The following DPEP1 variants were observed in gnomAD, a reference collection of about 807,000 sequenced individuals.
The protein encoded by DPEP1 is dipeptidase 1.
Under a neutral mutation model 42.3 loss-of-function variants are expected in DPEP1, and 50 were observed. That is an observed-to-expected ratio of 1.18 (90% CI 0.94 to 1.50). The LOEUF (loss-of-function observed/expected upper bound fraction) is 1.50. DPEP1 is among the 40% of genes most tolerant of loss of function. The pLI is 0.00. For synonymous variants in DPEP1, 297 were observed against 234.0 expected (o/e 1.27, Z -2.46); for missense variants, 663 against 553.0 (o/e 1.20, Z -1.99).
rs1269336768 is a variant in DPEP1, at chr16:89,638,153, C to G, written c.1167C>G (p.Ser389Arg). Residue 389 changes from serine to arginine, a missense_variant, in exon 11 of 11, where the codon AGC becomes AGG. By Grantham distance (110) the Ser-to-Arg change is moderately radical. Coordinates refer to ENST00000690203, the MANE Select transcript of DPEP1 (RefSeq NM_001389466.1). ...ACGGCTACTCCTCTGGGGCTTCCAG[C>G]CTCCATCGCCACTGGGGGCTCCTGC... ...THYGYSSGAS[S>R]LHRHWGLLLA... is the part of the protein sequence containing the mutation. The G allele has an allele frequency of 6.2e-7, 1 of 1,609,978 alleles. No homozygotes were observed. Among genetic ancestry groups the G allele is most frequent in the Non-Finnish European group, 8.5e-7 (1 of 1,178,186 alleles).
Position 89,638,393 on chromosome 16 carries a change from C to T in DPEP1, c.*171C>T, listed in dbSNP as rs2151505523. The T allele has an allele frequency of 1.4e-6, 2 of 1,388,860 alleles. No homozygotes were observed. The highest frequency in any genetic ancestry group is 1.8e-5 in the South Asian group (1 of 55,750). The allele number at this position is 1,388,860 out of a possible 1,614,324, so 86.0% of individuals were successfully genotyped here. A position where few individuals can be genotyped will look rare whatever the true frequency, so the allele number is the denominator to read the frequency against. On this transcript the variant is annotated 3_prime_UTR_variant, in exon 11 of 11. Coordinates refer to ENST00000690203, the MANE Select transcript of DPEP1 (RefSeq NM_001389466.1). ...GGATGCCTGGGGACAGTTCAGGACA[C>T]ACACACAGTAGGCCCGCAATAAAAG...
Position 89,636,629 on chromosome 16 carries a change from T to A in DPEP1, c.467T>A (p.Leu156His). 6.2e-7 allele frequency: 1 copy of A among 1,612,632 alleles called. No individual in the cohort carries two copies. The highest frequency in any genetic ancestry group is 1.1e-5 in the South Asian group (1 of 91,084). Residue 156 changes from leucine to histidine, a missense_variant, in exon 5 of 11, where the codon CTC becomes CAC. Leu to His is a moderately conservative substitution (Grantham distance 99). Coordinates refer to ENST00000690203, the MANE Select transcript of DPEP1 (RefSeq NM_001389466.1). ...AGCAGTTTGGGCGTCCTGCGGGCAC[T>A]CTATCAGCTGGGCATGCGGTACCTG... Reference protein sequence around the residue: ...IDSSLGVLRALYQLGMRYLTL... With the variant: ...IDSSLGVLRAHYQLGMRYLTL...
chr16:89,618,430 C>G (rs1299491643), intron 1 of DPEP1, among the ~76,000 whole-genome samples: 1 of 152,146 alleles, frequency 6.6e-6, no homozygotes, highest in Non-Finnish European at 1.5e-5. Context: ...GTTTCCCAGG[C>G]TGGTCTCAAA....
chr16:89,640,471 C>T (rs532904173), downstream of DPEP1: 9 of 773,910 alleles, frequency 1.2e-5, 1 homozygote, highest in African/African-American at 1.5e-4. Context: ...CAGGGGGCTC[C>T]GGGGTCCATG....
intron 1 of DPEP1, among the ~76,000 whole-genome samples, chr16:89,615,677 T>G (rs1382049640): frequency 6.6e-6 from 1 of 152,078 alleles, no homozygotes. Context: ...GACCCCGCCT[T>G]GCAGGACCCC....
At chr16:89,635,483 C>A (rs2059664869) in intron 2 of DPEP1, among the ~76,000 whole-genome samples, 1 of 152,196 alleles carries the variant, frequency 6.6e-6, no homozygotes, top group South Asian at 2.1e-4. Context: ...CCACCATATT[C>A]CCCAAGAGGC....
Position 89,636,344 on chromosome 16 carries a change from C to T in DPEP1, c.318C>T (p.His106=). 6.2e-7 allele frequency: 1 copy of T among 1,612,632 alleles called. No individual in the cohort carries two copies. Among genetic ancestry groups the T allele is most frequent in the Non-Finnish European group, 8.5e-7 (1 of 1,179,928 alleles). The change falls in exon 4 of 11, where the codon CAC becomes CAT. Residue 106 remains histidine (H), a synonymous_variant. Coordinates refer to ENST00000690203, the MANE Select transcript of DPEP1 (RefSeq NM_001389466.1). ...CGCTGGAGCAGATGGACGTGGTCCA[C>T]CGCATGTGCCGGATGTACCCGGAGA... is the stretch of plus-strand genomic sequence containing the variant. ...RRTLEQMDVV[H]RMCRMYPETF...
In DPEP1 at chr16:89,637,887, G is replaced by A; in HGVS notation, c.981G>A (p.Glu327=). ...CCAAGTATCCAGACCTGATCGCTGA[G>A]CTGCTCAGGAGGAACTGGACGGAGG... ...DVSKYPDLIA[E]LLRRNWTEAE... is the part of the protein sequence containing the mutation. Residue 327 remains glutamate (E), a synonymous_variant, in exon 10 of 11, where the codon GAG becomes GAA. Coordinates refer to ENST00000690203, the MANE Select transcript of DPEP1 (RefSeq NM_001389466.1). The A allele has an allele frequency of 6.2e-7, 1 of 1,612,740 alleles. No homozygotes were observed. Among genetic ancestry groups the A allele is most frequent in the Non-Finnish European group, 8.5e-7 (1 of 1,179,882 alleles).
chr16:89,637,123 A>T, intron 6 of DPEP1, 81 bp from the exon 7 acceptor site: 1 of 1,548,332 alleles, frequency 6.5e-7, no homozygotes, highest in Non-Finnish European at 8.7e-7. Flanking sequence ...AAGGATGATG[A>T]CTCACATCTG....
intron 1 of DPEP1, among the ~76,000 whole-genome samples, chr16:89,622,096 C>T (rs187701453): frequency 3.2e-4 from 48 of 152,222 alleles, no homozygotes; most frequent in Admixed American, 2.1e-3. Flanking sequence ...GGTGGGGCCT[C>T]GGTGCACCCA....
chr16:89,622,885 C>T (rs535125843), intron 1 of DPEP1, among the ~76,000 whole-genome samples: 1 of 151,990 alleles, frequency 6.6e-6, no homozygotes, highest in African/African-American at 2.4e-5. Flanking sequence ...AAGAGTGTGT[C>T]TGTGAGGAGG....
chr16:89,626,390 A>C (rs753149167), intron 1 of DPEP1: 4 of 152,106 alleles, frequency 2.6e-5, no homozygotes, highest in Non-Finnish European at 4.4e-5. Context: ...CTTGTTGCCC[A>C]AGCTGGCTGG....
At chr16:89,635,386 C>T (rs1353241106) in intron 2 of DPEP1, among the ~76,000 whole-genome samples, 1 of 152,152 alleles carries the variant, frequency 6.6e-6, no homozygotes, top group Non-Finnish European at 1.5e-5. Context: ...CTGGGTAGCC[C>T]CCAAAGCCTG....
intron 1 of DPEP1, among the ~76,000 whole-genome samples, chr16:89,625,124 C>G (rs1458675157): frequency 6.6e-6 from 1 of 152,010 alleles, no homozygotes; most frequent in Non-Finnish European, 1.5e-5. Flanking sequence ...TGAAGTTTTT[C>G]CTGGATTCAG....
At chr16:89,631,508 T>C (rs564407157) in intron 2 of DPEP1, among the ~76,000 whole-genome samples, 1 of 152,252 alleles carries the variant, frequency 6.6e-6, no homozygotes, top group East Asian at 1.9e-4. Context: ...CTGGGCTTTG[T>C]TGGGGAAAAA....
Position 89,634,960 on chromosome 16 carries a change from T to TC in DPEP1, c.105-945dup, listed in dbSNP as rs1389949089. Among the ~76,000 whole-genome samples the TC allele has an allele frequency of 1.3e-4, 9 of 68,050 alleles. 2 individuals are homozygous for TC. Among genetic ancestry groups the TC allele is most frequent in the East Asian group, 8.0e-4 (2 of 2,486 alleles). The allele number at this position is 68,050 out of a possible 152,430, so 44.6% of individuals were successfully genotyped here. The stretch of plus-strand genomic sequence containing the variant: ...CTTCTCCTTTCCCTTCCTTCTCCTT[T>TC]CCCTTCCTTCTCCTTTCCCTTCCTT... On this transcript the variant is annotated intron_variant, in intron 2 of 10. Coordinates refer to ENST00000690203, the MANE Select transcript of DPEP1 (RefSeq NM_001389466.1).
intron 1 of DPEP1, among the ~76,000 whole-genome samples, chr16:89,629,756 C>T (rs923415605): frequency 2.0e-5 from 3 of 152,198 alleles, no homozygotes; most frequent in Non-Finnish European, 2.9e-5. Context: ...GCCTGAAGCT[C>T]TGTAGCTGGA....
chr16:89,635,270 G>A (rs2059661667), intron 2 of DPEP1, among the ~76,000 whole-genome samples: 3 of 150,516 alleles, frequency 2.0e-5, no homozygotes, highest in South Asian at 4.2e-4. Flanking sequence ...ACCACCACCA[G>A]CTCCTGGGAA....
downstream of DPEP1, among the ~76,000 whole-genome samples, chr16:89,639,598 C>T (rs2059729310): frequency 6.6e-6 from 1 of 150,534 alleles, no homozygotes; most frequent in Non-Finnish European, 1.5e-5. Context: ...GCAACCCCAC[C>T]CCTGCACGCA....
Sources: gnomAD v4.1 joint callset for allele counts (sites outside exome capture counted in the v4.1 genomes callset) on GRCh38, gnomAD v4.1.1 for gene constraint, MANE v1.5 for transcripts, NCBI Gene and HGNC (gene_info 2026-07-23, HGNC 2026-07-21) for gene names.